GAS6: variants seen among roughly 807,000 people sequenced by gnomAD.
GAS6 encodes growth arrest-specific protein 6.
GAS6 carries 41 observed loss-of-function variants against 75.8 expected under a neutral mutation model. That is an observed-to-expected ratio of 0.54 (90% confidence interval 0.42 to 0.70). The LOEUF (loss-of-function observed/expected upper bound fraction) is 0.70, where lower values mean the gene tolerates loss of function less well. Ranked by LOEUF, GAS6 falls within the 30% of genes least tolerant of loss-of-function variation. The pLI is 0.00. For synonymous variants in GAS6, 432 were observed against 412.6 expected (o/e 1.05, Z -0.57); for missense variants, 854 against 940.2 (o/e 0.91, Z 1.20).
chr13:113,859,954 G>T (rs543533609), intron 2 of GAS6, among the ~76,000 whole-genome samples: 1 of 152,318 alleles, frequency 6.6e-6, no homozygotes, highest in East Asian at 1.9e-4. Context: ...ACTCAGAGGG[G>T]TTTTCATTTC....
chr13:113,821,166 G>A (rs544625069), intron 14 of GAS6, 148 bp from the exon 15 acceptor site: 50 of 832,398 alleles, frequency 6.0e-5, no homozygotes, highest in African/African-American at 2.6e-4. Context: ...CTCGGTCCCC[G>A]TTCGTTTGGC....
At chr13:113,835,699 C>A in intron 6 of GAS6, 64 bp from the exon 7 acceptor site, 2 of 1,579,832 alleles carry the variant, frequency 1.3e-6, no homozygotes. Flanking sequence ...CTGGGGCAGG[C>A]GGCTGCAGGG....
chr13:113,853,478 C>G (rs922883535), intron 2 of GAS6, among the ~76,000 whole-genome samples: 5 of 152,236 alleles, frequency 3.3e-5, no homozygotes, highest in African/African-American at 9.6e-5. Context: ...TGAGTTTCAT[C>G]TGCATTCATA....
chr13:113,834,435 A>G lies in GAS6; in HGVS notation c.834+116T>C, dbSNP rs2051673936. ...CCCAAACCTCCACATGGCCCTGGAG[A>G]TCCCCAACACCTTAGCAAAGGCCAG... is the stretch of plus-strand genomic sequence containing the variant. On this transcript the variant is annotated intron_variant, in intron 8 of 14. Transcript: ENST00000327773. 5.5e-6 allele frequency: 6 copies of G among 1,100,584 alleles called. No individual in the cohort carries two copies. The South Asian group carries it at 6.1e-5, about 11-fold the overall frequency. The allele number at this position is 1,100,584 out of a possible 1,614,324, so 68.2% of individuals were successfully genotyped here.
In GAS6 at chr13:113,863,544, T is replaced by C; in HGVS notation, c.255+31A>G. On this transcript the variant is annotated intron_variant, in intron 2 of 14. Coordinates refer to ENST00000327773, the MANE Select transcript of GAS6 (RefSeq NM_000820.4). This position sits in a 1 kb window ranked among gnomAD's most constrained non-coding sequence, Gnocchi z 9.4. Reference sequence around the variant, plus strand: ...GTTGGAGGCGCGCGGGCGCCAGGGGTTCCCCCGCATCCCGCCCGCCGGCTG... The same window carrying C: ...GTTGGAGGCGCGCGGGCGCCAGGGGCTCCCCCGCATCCCGCCCGCCGGCTG... 6.7e-7 allele frequency: 1 copy of C among 1,481,966 alleles called. No individual in the cohort carries two copies. The highest frequency in any genetic ancestry group is 1.3e-5 in the South Asian group (1 of 78,160). The allele number at this position is 1,481,966 out of a possible 1,614,324, so 91.8% of individuals were successfully genotyped here.
intron 4 of GAS6, 60 bp from the exon 5 acceptor site, chr13:113,839,910 G>A (rs1256003774): frequency 6.8e-6 from 11 of 1,610,552 alleles, no homozygotes; most frequent in Admixed American, 1.7e-5. Flanking sequence ...CGCGCCCAAC[G>A]CAGCTGAGAT....
rs186802648 is a variant in GAS6 at position 113,834,866 on chromosome 13, G to A, written c.713-194C>T. ...TTGCACCCTCGGCCTGCTCCTGCCCGGGCTCTTTCTTGAGGGAATAAAAAT... is the reference window on the plus strand; with the variant it reads ...TTGCACCCTCGGCCTGCTCCTGCCCAGGCTCTTTCTTGAGGGAATAAAAAT... On this transcript the variant is annotated intron_variant, in intron 7 of 14. Coordinates refer to ENST00000327773, the MANE Select transcript of GAS6 (RefSeq NM_000820.4). 3,082 of 481,734 alleles carry A rather than the reference G, an allele frequency of 6.4e-3. 27 individuals are homozygous for A. Among genetic ancestry groups the A allele is most frequent in the Non-Finnish European group, 6.7e-3 (1,978 of 295,372 alleles). 29.8% of individuals were successfully genotyped at this position (481,734 alleles called of 1,614,324 possible).
chr13:113,847,763 T>G (rs2051845471), intron 3 of GAS6: 1 of 502,850 alleles, frequency 2.0e-6, no homozygotes, highest in Non-Finnish European at 3.5e-6. Flanking sequence ...GACAAGGAGC[T>G]GAGCCTGGCA....
In GAS6 at chr13:113,856,177, C is replaced by T. The variant is rs538863698; in HGVS notation, c.255+7398G>A. 2.0e-5 allele frequency among the ~76,000 whole-genome samples: 3 copies of T among 152,348 alleles called. No individual in the cohort carries two copies. In the South Asian group the frequency reaches 6.2e-4, roughly 32 times the overall value. ...AGCCACTGACACACACCCAGCTCCCCGCAGCCGCCCTGTGCTTTATGCGCC... is the reference window on the plus strand; with the variant it reads ...AGCCACTGACACACACCCAGCTCCCTGCAGCCGCCCTGTGCTTTATGCGCC... On this transcript the variant is annotated intron_variant, in intron 2 of 14. Transcript: ENST00000327773.
At chr13:113,838,617 A>G (rs2051742941) in intron 5 of GAS6, among the ~76,000 whole-genome samples, 1 of 91,898 alleles carries the variant, frequency 1.1e-5, no homozygotes, top group African/African-American at 5.1e-5. Context: ...GCAGGGAGGG[A>G]GCCCGGGGGT....
intron 8 of GAS6, 128 bp downstream of exon 8, chr13:113,834,423 A>G (rs1476936383): frequency 1.0e-6 from 1 of 993,264 alleles, no homozygotes; most frequent in African/African-American, 1.7e-5. Context: ...AAACCTCCAC[A>G]TGGCCCTGGA....
chr13:113,821,135 T>C (rs1594185139), intron 14 of GAS6, 117 bp from the exon 15 acceptor site: 3 of 1,071,260 alleles, frequency 2.8e-6, no homozygotes, highest in Non-Finnish European at 4.0e-6. Context: ...AAGGGCAGGG[T>C]TTCCCTTTCT....
chr13:113,852,172 A>G (rs1594208079), intron 2 of GAS6, among the ~76,000 whole-genome samples: 1 of 152,354 alleles, frequency 6.6e-6, no homozygotes, highest in East Asian at 1.9e-4. Flanking sequence ...TTCTTAAAAC[A>G]TGAGCTTTAG....
chr13:113,822,061 G>A lies in GAS6; in HGVS notation c.1779C>T (p.Thr593=). 2.5e-6 allele frequency: 4 copies of A among 1,588,552 alleles called. No homozygotes were observed. Among genetic ancestry groups the A allele is most frequent in the Non-Finnish European group, 3.4e-6 (4 of 1,169,500 alleles). The change falls in exon 14 of 15, where the codon ACC becomes ACT. Residue 593 remains threonine (T), a synonymous_variant. Coordinates refer to ENST00000327773, the MANE Select transcript of GAS6 (RefSeq NM_000820.4). ...DGEATLEVDG[T]RGQSEVSAAQ... ...CGGCGCTCACCTCGCTCTGGCCCCT[G>A]GTGCCGTCCACCTCCAGGGTGGCCT... is the stretch of plus-strand genomic sequence containing the variant.
intron 14 of GAS6, chr13:113,821,347 A>C: frequency 3.1e-6 from 1 of 319,358 alleles, no homozygotes; most frequent in Non-Finnish European, 5.9e-6. Context: ...ATCCTCTTCA[A>C]AGCTCTGTTT....
chr13:113,834,140 G>A (rs1379756763), intron 8 of GAS6, among the ~76,000 whole-genome samples: 1 of 148,480 alleles, frequency 6.7e-6, no homozygotes, highest in Non-Finnish European at 1.5e-5. Flanking sequence ...CGGTGTGACA[G>A]GCACCAGTGT....
At chr13:113,841,491 A>ATTTCCTCCATACGCCCCACAG (rs2051775936) in intron 4 of GAS6, 1 of 147,098 alleles carries the variant, frequency 6.8e-6, no homozygotes, top group Non-Finnish European at 1.5e-5. Context: ...ATATGCCTCA[A>ATTTCCTCCATACGCCCCACAG]TTTCCTCCAT....
intron 4 of GAS6, chr13:113,840,300 A>C: frequency 5.8e-6 from 1 of 172,238 alleles, no homozygotes; most frequent in Non-Finnish European, 1.2e-5. Context: ...GGCGGGGAGG[A>C]CCCCAGGCCC....
Position 113,863,805 on chromosome 13 carries a change from G to T in GAS6, c.88+28C>A, listed in dbSNP as rs2051993913. ...CCGGAGCCTCCTCCCGCCGCCCGGG[G>T]ACGGGGTCTCGGGCCCGCGGGACTC... On this transcript the variant is annotated intron_variant, in intron 1 of 14. Coordinates refer to ENST00000327773, the MANE Select transcript of GAS6 (RefSeq NM_000820.4). This position sits in a 1 kb window ranked among gnomAD's most constrained non-coding sequence, Gnocchi z 9.4. The T allele has an allele frequency of 2.2e-6, 3 of 1,389,428 alleles. No individual in the cohort carries two copies. The East Asian group carries it at 9.3e-5, about 43-fold the overall frequency. 86.1% of individuals were successfully genotyped at this position (1,389,428 alleles called of 1,614,324 possible).
Sources: gnomAD v4.1 joint callset for allele counts (sites outside exome capture counted in the v4.1 genomes callset) on GRCh38, gnomAD v4.1.1 for gene constraint, Gnocchi (gnomAD v3.1) non-coding constraint, MANE v1.5 for transcripts, NCBI Gene and HGNC (gene_info 2026-07-23, HGNC 2026-07-21) for gene names.